DGKG: variants seen among roughly 807,000 people sequenced by gnomAD.
The protein encoded by DGKG is diacylglycerol kinase gamma.
In DGKG, 78 loss-of-function variants were observed where a neutral mutation model predicts 105.3. The ratio of observed to expected loss-of-function variants is 0.74; its 90% CI spans 0.62 to 0.89. The LOEUF is 0.89. DGKG is among the 40% of genes least tolerant of loss of function. The probability of loss-of-function intolerance (pLI) is 0.00; values close to 1 mark genes in which losing one functional copy is unlikely to be tolerated. For missense variants in DGKG, 958 were observed against 1,020.1 expected, an observed-to-expected ratio of 0.94 and a Z score of 0.83; for synonymous variants, 346 against 367.1, an observed-to-expected ratio of 0.94 and a Z score of 0.66.
chr3:186,261,639 G>A lies in DGKG; in HGVS notation c.1349+60C>T. Reference sequence around the variant, plus strand: ...CAGCCTGCTGTGTTCCTGCCAAGGGGAGGAAGGGCCTGAGTCGTGTCGCCC... The same window carrying A: ...CAGCCTGCTGTGTTCCTGCCAAGGGAAGGAAGGGCCTGAGTCGTGTCGCCC... On this transcript the variant is annotated intron_variant, in intron 15 of 24. Transcript: ENST00000265022. 3 of 1,202,720 alleles carry A rather than the reference G, an allele frequency of 2.5e-6. No individual in the cohort carries two copies. In the East Asian group the frequency reaches 7.4e-5, roughly 30 times the overall value. 74.5% of individuals were successfully genotyped at this position (1,202,720 alleles called of 1,614,324 possible). A position where few individuals can be genotyped will look rare whatever the true frequency, so the allele number is the denominator to read the frequency against.
intron 21 of DGKG, among the ~76,000 whole-genome samples, chr3:186,199,855 G>T (rs976466887): frequency 6.6e-6 from 1 of 152,084 alleles, no homozygotes; most frequent in African/African-American, 2.4e-5. Flanking sequence ...TTGACTCGGT[G>T]ACACTAAGGA....
At chr3:186,323,798 G>T (rs189165162) in intron 1 of DGKG, among the ~76,000 whole-genome samples, 2 of 152,008 alleles carry the variant, frequency 1.3e-5, no homozygotes, top group East Asian at 3.9e-4. Context: ...TTAGCCAGGC[G>T]TGGTGGTGGG....
At chr3:186,177,723 T>G (rs1717152656) in intron 22 of DGKG, among the ~76,000 whole-genome samples, 1 of 152,230 alleles carries the variant, frequency 6.6e-6, no homozygotes, top group African/African-American at 2.4e-5. Context: ...GTTATCTGTG[T>G]GATTTTGGCC....
intron 1 of DGKG, among the ~76,000 whole-genome samples, chr3:186,320,933 T>C (rs1335920033): frequency 6.6e-6 from 1 of 152,192 alleles, no homozygotes; most frequent in East Asian, 1.9e-4. Context: ...TACTCAGCTC[T>C]GGGAAATGTT....
At chr3:186,235,883 G>T (rs955571027) in intron 20 of DGKG, among the ~76,000 whole-genome samples, 7 of 152,166 alleles carry the variant, frequency 4.6e-5, no homozygotes, top group Non-Finnish European at 8.8e-5. Context: ...TGCAGTCCAT[G>T]ACCCCTGCTA....
chr3:186,178,686 T>G (rs1717210861), intron 22 of DGKG, among the ~76,000 whole-genome samples: 1 of 152,178 alleles, frequency 6.6e-6, no homozygotes, highest in Admixed American at 6.6e-5. Flanking sequence ...GAGACACAGC[T>G]GGAGTCAGAG....
chr3:186,318,009 T>C (rs535621103), intron 2 of DGKG, among the ~76,000 whole-genome samples: 1 of 152,300 alleles, frequency 6.6e-6, no homozygotes, highest in African/African-American at 2.4e-5. Context: ...TGTACGTGCA[T>C]TGATGATATT....
chr3:186,163,686 G>A (rs1034956725), intron 23 of DGKG, among the ~76,000 whole-genome samples: 1 of 151,968 alleles, frequency 6.6e-6, no homozygotes, highest in Non-Finnish European at 1.5e-5. Flanking sequence ...CACCCCCTCT[G>A]TTTCTATCTG....
chr3:186,312,852 G>A (rs1195229084), intron 2 of DGKG, among the ~76,000 whole-genome samples: 1 of 152,220 alleles, frequency 6.6e-6, no homozygotes, highest in Non-Finnish European at 1.5e-5. Flanking sequence ...CCTCAGAGCA[G>A]CACGTGGGAA....
intron 5 of DGKG, 121 bp downstream of exon 5, chr3:186,297,300 C>G: frequency 1.3e-6 from 1 of 750,890 alleles, no homozygotes; most frequent in East Asian, 2.5e-5. Context: ...ACAGGAGGAC[C>G]AGATCTGCAT....
At chr3:186,328,713 C>T (rs1472335877) in intron 1 of DGKG, among the ~76,000 whole-genome samples, 1 of 151,488 alleles carries the variant, frequency 6.6e-6, no homozygotes, top group Admixed American at 6.6e-5. Flanking sequence ...GTAGCTGGGA[C>T]TACAGGCACC....
Position 186,148,302 on chromosome 3 carries a change from A to T in DGKG, c.*1788T>A, listed in dbSNP as rs1330233276. The T allele has an allele frequency of 3.0e-6, 3 of 985,500 alleles. No homozygotes were observed. Among genetic ancestry groups the T allele is most frequent in the Non-Finnish European group, 3.6e-6 (3 of 829,978 alleles). The allele number at this position is 985,500 out of a possible 1,614,324, so 61.0% of individuals were successfully genotyped here. On this transcript the variant is annotated 3_prime_UTR_variant, in exon 25 of 25. Transcript: ENST00000265022. ...CTTCTTGTGACTCTCCACTGAGGTC[A>T]TCCCTGCAGCCAAGGTTGTTTCCAA...
At chr3:186,189,900 G>A (rs1182841841) in intron 21 of DGKG, among the ~76,000 whole-genome samples, 1 of 152,032 alleles carries the variant, frequency 6.6e-6, no homozygotes, top group Non-Finnish European at 1.5e-5. Flanking sequence ...AACCCATACA[G>A]AATGACCCTC....
At chr3:186,234,449 T>C (rs748661066) in intron 20 of DGKG, among the ~76,000 whole-genome samples, 1 of 152,222 alleles carries the variant, frequency 6.6e-6, no homozygotes, top group Non-Finnish European at 1.5e-5. Flanking sequence ...GATTACACAT[T>C]ACATCTTGAG....
At chr3:186,169,652 T>C (rs1457037481) in intron 22 of DGKG, among the ~76,000 whole-genome samples, 1 of 152,228 alleles carries the variant, frequency 6.6e-6, no homozygotes, top group Non-Finnish European at 1.5e-5. Flanking sequence ...ACATGTACTC[T>C]ACATATACTT....
chr3:186,279,900 C>T lies in DGKG; in HGVS notation c.743G>A (p.Gly248Glu), dbSNP rs766673971. ...CAGCAATGGGATGGTGGTCATCCCT[C>T]CATGGACCCATTCCTGTAGAGACAC... The part of the protein sequence containing the change: ...GFVSLQEWVH[G>E]GMTTIPLLVL... The change falls in exon 9 of 25, where the codon GGA becomes GAA. Residue 248 changes from glycine (G) to glutamate (E), a missense_variant. Physicochemically the swap from Gly to Glu is moderately conservative, Grantham distance 98. Around this residue, in one of 2 missense-constraint regions of DGKG, gnomAD observed 643 missense variants for 619.5 expected, o/e 1.04. Transcript: ENST00000265022. The T allele has an allele frequency of 3.1e-6, 5 of 1,614,120 alleles. No individual in the cohort carries two copies. The East Asian group carries it at 8.9e-5, about 29-fold the overall frequency.
At chr3:186,352,233 C>A (rs1344433040) in intron 1 of DGKG, among the ~76,000 whole-genome samples, 1 of 152,138 alleles carries the variant, frequency 6.6e-6, no homozygotes, top group Non-Finnish European at 1.5e-5. Context: ...ATTCACCTGG[C>A]AGAAGTGGAC....
chr3:186,344,476 G>T (rs146122658), intron 1 of DGKG, among the ~76,000 whole-genome samples: 7 of 152,156 alleles, frequency 4.6e-5, no homozygotes, highest in African/African-American at 1.4e-4. Flanking sequence ...GCAAAGTAAC[G>T]CAGGAACAGA....
chr3:186,276,349 A>G (rs1167715912), intron 9 of DGKG, among the ~76,000 whole-genome samples: 1 of 152,220 alleles, frequency 6.6e-6, no homozygotes. Context: ...AGTTTTATAT[A>G]ATAGATCTTT....
Sources: gnomAD v4.1 joint callset for allele counts (sites outside exome capture counted in the v4.1 genomes callset) on GRCh38, gnomAD v4.1.1 for gene constraint, gnomAD v4.1.1 regional missense constraint, MANE v1.5 for transcripts, NCBI Gene and HGNC (gene_info 2026-07-23, HGNC 2026-07-21) for gene names.